Variants in LAMA4 observed in about 807,000 individuals in gnomAD.
LAMA4 encodes the protein laminin subunit alpha-4.
A neutral mutation model predicts 207.1 loss-of-function variants in LAMA4; 127 were observed. That is an observed-to-expected ratio of 0.61 (90% CI 0.53 to 0.71). LAMA4 has a LOEUF of 0.71. Ranked by LOEUF, LAMA4 falls within the 30% of genes least tolerant of loss-of-function variation. The probability of loss-of-function intolerance (pLI) is 0.00; values close to 1 mark genes in which losing one functional copy is unlikely to be tolerated. For synonymous variants in LAMA4, 761 were observed against 816.0 expected, an observed-to-expected ratio of 0.93 and a Z score of 1.15; for missense variants, 2,093 against 2,246.5, an observed-to-expected ratio of 0.93 and a Z score of 1.38.
intron 16 of LAMA4, 111 bp from the exon 17 acceptor site, chr6:112,150,738 G>A: frequency 1.3e-6 from 1 of 799,006 alleles, no homozygotes; most frequent in Non-Finnish European, 2.2e-6. Context: ...TGCAGTATTT[G>A]CAGTATTCTG....
intron 6 of LAMA4, among the ~76,000 whole-genome samples, chr6:112,189,616 C>G (rs2072029): frequency 6.6e-6 from 1 of 151,920 alleles, no homozygotes; most frequent in Admixed American, 6.6e-5. Flanking sequence ...TAATTTAACT[C>G]GGGGGTTGAT....
At chr6:112,173,378 A>C (rs1220975033) in intron 11 of LAMA4, among the ~76,000 whole-genome samples, 3 of 152,230 alleles carry the variant, frequency 2.0e-5, no homozygotes, top group Non-Finnish European at 4.4e-5. Context: ...GAATATGTTG[A>C]ATATGTTAAT....
intron 2 of LAMA4, among the ~76,000 whole-genome samples, chr6:112,231,739 G>C (rs1785575572): frequency 6.6e-6 from 1 of 152,180 alleles, no homozygotes; most frequent in Non-Finnish European, 1.5e-5. Flanking sequence ...GTGGCAGCTT[G>C]ACATATGTCT....
At chr6:112,123,177 C>T (rs587774326) in intron 31 of LAMA4, among the ~76,000 whole-genome samples, 20 of 152,198 alleles carry the variant, frequency 1.3e-4, no homozygotes, top group African/African-American at 4.6e-4. Context: ...TCTGACCCAC[C>T]TAGGAAGACA....
At chr6:112,209,834 G>T (rs367649975) in intron 3 of LAMA4, among the ~76,000 whole-genome samples, 4 of 152,168 alleles carry the variant, frequency 2.6e-5, no homozygotes, top group African/African-American at 7.2e-5. Flanking sequence ...TTTGGCTCTG[G>T]GTTCCCATCC....
Position 112,187,619 on chromosome 6 carries a change from C to T in LAMA4, c.815-18G>A. 5.0e-6 allele frequency: 8 copies of T among 1,612,630 alleles called. No individual in the cohort carries two copies. The highest frequency in any genetic ancestry group is 6.8e-6 in the Non-Finnish European group (8 of 1,179,362). On this transcript the variant is annotated intron_variant, in intron 7 of 38. Transcript: ENST00000230538. ...ATCACAGCCTGGAGGTGAAACATTT[C>T]TTCAGAATCACAAGTCAAAAGCATG...
At position 112,114,161 on chromosome 6, in the gene LAMA4, C is replaced by T. The variant is rs375447272; in HGVS notation, c.5241G>A (p.Val1747=). ...CAACCACATGGTTCACTTCAGAGTC[C>T]ACATCCAACTGAACCACATTAGAAT... ...IRDSNVVQLD[V]DSEVNHVVGP... The change falls in exon 38 of 39, where the codon GTG becomes GTA. Residue 1747 remains valine, a synonymous_variant. Coordinates refer to ENST00000230538, the MANE Select transcript of LAMA4 (RefSeq NM_001105206.3). 1.3e-5 allele frequency: 21 copies of T among 1,613,648 alleles called. No individual in the cohort carries two copies. Among genetic ancestry groups the T allele is most frequent in the Non-Finnish European group, 1.5e-5 (18 of 1,179,738 alleles).
chr6:112,112,026 C>T (rs1410294171), intron 38 of LAMA4, among the ~76,000 whole-genome samples: 2 of 152,224 alleles, frequency 1.3e-5, no homozygotes, highest in East Asian at 1.9e-4. Flanking sequence ...CTCCCAAAGC[C>T]TAGCACAATG....
At chr6:112,127,459 A>G (rs1778765175) in intron 31 of LAMA4, among the ~76,000 whole-genome samples, 1 of 151,810 alleles carries the variant, frequency 6.6e-6, no homozygotes, top group African/African-American at 2.4e-5. Flanking sequence ...TAAAGAACCT[A>G]AGGTAGGAGT....
intron 9 of LAMA4, 148 bp downstream of exon 9, chr6:112,185,089 G>T: frequency 1.4e-6 from 1 of 707,710 alleles, no homozygotes. Flanking sequence ...TTCTCCACAG[G>T]TCTGGTCTTG....
chr6:112,245,109 G>C (rs1211421787), intron 2 of LAMA4, among the ~76,000 whole-genome samples: 1 of 152,172 alleles, frequency 6.6e-6, no homozygotes, highest in African/African-American at 2.4e-5. Flanking sequence ...TAGGACTCAG[G>C]ACAGATAGCA....
At position 112,109,314 on chromosome 6, in the gene LAMA4, A is replaced by T; in HGVS notation, c.*123T>A. The T allele has an allele frequency of 9.7e-7, 1 of 1,028,728 alleles. No individual in the cohort carries two copies. Among genetic ancestry groups the T allele is most frequent in the Non-Finnish European group, 1.5e-6 (1 of 674,840 alleles). 63.7% of individuals were successfully genotyped at this position (1,028,728 alleles called of 1,614,324 possible). On this transcript the variant is annotated 3_prime_UTR_variant, in exon 39 of 39. Transcript: ENST00000230538. ...ATATCCGGTCCCTGATGATTCGTTT[A>T]AGTCCTGTTCAACTCGATGAAAGCT...
intron 2 of LAMA4, among the ~76,000 whole-genome samples, chr6:112,240,761 T>C (rs1308378973): frequency 1.3e-5 from 2 of 152,198 alleles, no homozygotes; most frequent in Non-Finnish European, 2.9e-5. Context: ...ATTGTGTATA[T>C]GTACCACATT....
intron 4 of LAMA4, among the ~76,000 whole-genome samples, chr6:112,202,443 GGT>G (rs3831518): frequency 0.23 from 34,702 of 149,948 alleles, 5,308 homozygotes; most frequent in African/African-American, 0.43. Context: ...GGGGCATAGG[GGT>G]GTGTGTGTGT....
rs976927978 is a variant in LAMA4, at chr6:112,117,152, A to C, written c.4981+587T>G. Among the ~76,000 whole-genome samples the C allele has an allele frequency of 6.6e-6, 1 of 152,112 alleles. No homozygotes were observed. The highest frequency in any genetic ancestry group is 1.5e-5 in the Non-Finnish European group (1 of 68,016). On this transcript the variant is annotated intron_variant, in intron 35 of 38. Transcript: ENST00000230538. This position sits in a 1 kb window ranked among gnomAD's most constrained non-coding sequence, Gnocchi z 4.5. Reference sequence around the variant, plus strand: ...GATTGCTCCATAGAATATTCTTGGAATGAATTAGATGATGATTGTGTGTAG... The same window carrying C: ...GATTGCTCCATAGAATATTCTTGGACTGAATTAGATGATGATTGTGTGTAG...
chr6:112,193,333 C>T (rs1433500225), intron 5 of LAMA4, among the ~76,000 whole-genome samples: 9 of 151,892 alleles, frequency 5.9e-5, no homozygotes, highest in African/African-American at 2.2e-4. Context: ...GGGTGTTGGC[C>T]TTGGGAGTGG....
At chr6:112,151,790 A>G (rs1780419165) in intron 16 of LAMA4, among the ~76,000 whole-genome samples, 1 of 151,924 alleles carries the variant, frequency 6.6e-6, no homozygotes, top group East Asian at 1.9e-4. Flanking sequence ...ATATTATTTT[A>G]TTTTTCAGAT....
At chr6:112,228,814 T>C (rs9487857) in intron 2 of LAMA4, among the ~76,000 whole-genome samples, 65,005 of 151,974 alleles carry the variant, frequency 0.43, 14,385 homozygotes, top group African/African-American at 0.49. Context: ...AGGGAGCTTG[T>C]GTGCTGTAGC....
chr6:112,122,082 G>C lies in LAMA4; in HGVS notation c.4407C>G (p.Ala1469=), dbSNP rs1554326307. 2.4e-5 allele frequency: 38 copies of C among 1,613,936 alleles called. No homozygotes were observed. The highest frequency in any genetic ancestry group is 3.2e-5 in the Non-Finnish European group (38 of 1,179,916). Reference sequence around the variant, plus strand: ...TGTTGGCTGTTCCTCCATATTGATAGGCGTGCTCTATTGCTCTAGGGCTGT... The same window carrying C: ...TGTTGGCTGTTCCTCCATATTGATACGCGTGCTCTATTGCTCTAGGGCTGT... ...LSNSPRAIEH[A]YQYGGTANSR... is the part of the protein sequence containing the mutation. Residue 1469 remains alanine, a synonymous_variant, in exon 32 of 39, where the codon GCC becomes GCG. Coordinates refer to ENST00000230538, the MANE Select transcript of LAMA4 (RefSeq NM_001105206.3).
Sources: allele counts gnomAD v4.1 joint callset (sites outside exome capture counted in the v4.1 genomes callset), GRCh38; gene constraint gnomAD v4.1.1; non-coding constraint Gnocchi (gnomAD v3.1); transcripts MANE v1.5; gene names NCBI Gene and HGNC (gene_info 2026-07-23, HGNC 2026-07-21).